Variants in RABGAP1L observed in about 807,000 individuals in gnomAD.
RABGAP1L encodes the protein RAB GTPase activating protein 1 like.
A neutral mutation model predicts 137.7 loss-of-function variants in RABGAP1L; 63 were observed. The ratio of observed to expected loss-of-function variants is 0.46; its 90% CI spans 0.37 to 0.56. The LOEUF (loss-of-function observed/expected upper bound fraction) is 0.56, where lower values mean the gene tolerates loss of function less well. Among genes scored for constraint, RABGAP1L ranks in the 20% least tolerant of loss-of-function variants. RABGAP1L has a pLI of 0.00. For synonymous variants in RABGAP1L, 431 were observed against 433.7 expected (o/e 0.99, Z 0.08); for missense variants, 1,095 against 1,244.0 (o/e 0.88, Z 1.80).
chr1:174,479,168 GC>G (rs1658816029), intron 13 of RABGAP1L, among the ~76,000 whole-genome samples: 1 of 152,202 alleles, frequency 6.6e-6, no homozygotes, highest in African/African-American at 2.4e-5. Flanking sequence ...GTTGGCATGG[GC>G]CTGAGGTCCT....
chr1:174,328,263 A>G (rs1020157755), intron 11 of RABGAP1L, among the ~76,000 whole-genome samples: 1 of 151,932 alleles, frequency 6.6e-6, no homozygotes, highest in Non-Finnish European at 1.5e-5. Context: ...TCAACTGCAT[A>G]TGAAACATTC....
chr1:174,845,064 T>C (rs895700070), intron 19 of RABGAP1L, among the ~76,000 whole-genome samples: 2,993 of 149,072 alleles, frequency 0.02, 47 homozygotes, highest in Middle Eastern at 0.077. Context: ...GTGATTTTTG[T>C]ACATTGATTT....
chr1:174,673,557 C>G (rs2148452900), intron 14 of RABGAP1L, among the ~76,000 whole-genome samples: 1 of 152,064 alleles, frequency 6.6e-6, no homozygotes, highest in Admixed American at 6.5e-5. Flanking sequence ...CTAATGAAAG[C>G]AAAAAGAAAA....
Position 174,991,441 on chromosome 1 carries a change from G to GT in RABGAP1L, c.*1441dup, listed in dbSNP as rs1431216615. 6.6e-6 allele frequency: 1 copy of GT among 152,120 alleles called. No individual in the cohort carries two copies. The highest frequency in any genetic ancestry group is 1.9e-4 in the East Asian group (1 of 5,198). 9.4% of individuals were successfully genotyped at this position (152,120 alleles called of 1,614,324 possible). A position where few individuals can be genotyped will look rare whatever the true frequency, so the allele number is the denominator to read the frequency against. On this transcript the variant is annotated 3_prime_UTR_variant, in exon 26 of 26. Transcript: ENST00000681986. Reference sequence around the variant, plus strand: ...TCTGTGCCATATTTTGCAATTAAAAGTAACACACCCTTAGAAGAATCAAAT... The same window carrying GT: ...TCTGTGCCATATTTTGCAATTAAAAGTTAACACACCCTTAGAAGAATCAAAT...
At chr1:174,662,552 C>T (rs1288867982) in intron 14 of RABGAP1L, among the ~76,000 whole-genome samples, 2 of 151,902 alleles carry the variant, frequency 1.3e-5, no homozygotes, top group Non-Finnish European at 2.9e-5. Context: ...CACCACCACA[C>T]CTGGCTAATT....
At chr1:174,292,438 C>T (rs1676723991) in intron 10 of RABGAP1L, among the ~76,000 whole-genome samples, 2 of 144,952 alleles carry the variant, frequency 1.4e-5, no homozygotes, top group Non-Finnish European at 3.0e-5. Context: ...TTCCATGAAC[C>T]TTAATATATT....
At chr1:174,596,167 A>ACCCCTTGCG (rs1669890969) in intron 13 of RABGAP1L, among the ~76,000 whole-genome samples, 1 of 140,252 alleles carries the variant, frequency 7.1e-6, no homozygotes, top group South Asian at 2.3e-4. Context: ...GAACTCCCTG[A>ACCCCTTGCG]CCCCTTGCGC....
chr1:174,567,082 T>A (rs1463572471), intron 13 of RABGAP1L, among the ~76,000 whole-genome samples: 2 of 152,122 alleles, frequency 1.3e-5, no homozygotes, highest in African/African-American at 4.8e-5. Context: ...ACACTAAATA[T>A]GTTAACAGTG....
Position 174,276,907 on chromosome 1 carries a change from C to T in RABGAP1L, c.1156+972C>T, listed in dbSNP as rs79532655. ...TTTTAAACTAAATTTAAAGTTTTAC[C>T]TGCCGAGTTATATGCCTACCCTAAG... On this transcript the variant is annotated intron_variant, in intron 9 of 25. Coordinates refer to ENST00000681986, the MANE Select transcript of RABGAP1L (RefSeq NM_001366446.1). 8.9e-3 allele frequency among the ~76,000 whole-genome samples: 1,346 copies of T among 151,920 alleles called. 24 individuals carry two copies. The highest frequency in any genetic ancestry group is 0.031 in the African/African-American group (1,299 of 41,470).
At chr1:174,531,452 T>G (rs978862952) in intron 13 of RABGAP1L, among the ~76,000 whole-genome samples, 2 of 151,886 alleles carry the variant, frequency 1.3e-5, no homozygotes, top group Non-Finnish European at 2.9e-5. Flanking sequence ...ATAGGAAAAA[T>G]ATAGGGCAGA....
intron 13 of RABGAP1L, among the ~76,000 whole-genome samples, chr1:174,560,648 A>G (rs769115676): frequency 6.6e-6 from 1 of 152,158 alleles, no homozygotes; most frequent in African/African-American, 2.4e-5. Flanking sequence ...GTAATGTACA[A>G]ATGGTCTCAT....
chr1:174,939,555 A>G (rs918450812), intron 19 of RABGAP1L, among the ~76,000 whole-genome samples: 1 of 152,048 alleles, frequency 6.6e-6, no homozygotes, highest in Non-Finnish European at 1.5e-5. Flanking sequence ...CACAAAAAAA[A>G]AAAAAAAGAA....
intron 18 of RABGAP1L, among the ~76,000 whole-genome samples, chr1:174,759,049 A>G (rs1685001136): frequency 2.6e-5 from 4 of 152,104 alleles, no homozygotes; most frequent in Admixed American, 2.0e-4. Context: ...TTCCAGGAAG[A>G]TGATGCCCTC....
chr1:174,455,190 A>G (rs1398575036), intron 13 of RABGAP1L, among the ~76,000 whole-genome samples: 2 of 152,182 alleles, frequency 1.3e-5, no homozygotes, highest in African/African-American at 4.8e-5. Context: ...CTAAAATTCT[A>G]AGGTTTAAGG....
At chr1:174,376,122 CAGAG>C (rs546217947) in intron 12 of RABGAP1L, among the ~76,000 whole-genome samples, 12 of 135,424 alleles carry the variant, frequency 8.9e-5, no homozygotes, top group Admixed American at 3.3e-4. Context: ...GAGAGAAAGA[CAGAG>C]AGAGATAGAG....
Position 174,991,621 on chromosome 1 carries a change from CATCAG to C in RABGAP1L, c.*1623_*1627del, listed in dbSNP as rs1430626635. On this transcript the variant is annotated 3_prime_UTR_variant, in exon 26 of 26. Coordinates refer to ENST00000681986, the MANE Select transcript of RABGAP1L (RefSeq NM_001366446.1). Reference sequence around the variant, plus strand: ...ACTGATGTGATTGTTATGTTATACTCATCAGATAATACTTTTCTTACATAAATCTT... The same window carrying C: ...ACTGATGTGATTGTTATGTTATACTCATAATACTTTTCTTACATAAATCTT... The C allele has an allele frequency of 2.0e-5, 3 of 152,190 alleles. No homozygotes were observed. The highest frequency in any genetic ancestry group is 4.8e-5 in the African/African-American group (2 of 41,434). 9.4% of individuals were successfully genotyped at this position (152,190 alleles called of 1,614,324 possible). A position where few individuals can be genotyped will look rare whatever the true frequency, so the allele number is the denominator to read the frequency against.
At chr1:174,948,981 A>T (rs1442903403) in intron 19 of RABGAP1L, 2 of 152,206 alleles carry the variant, frequency 1.3e-5, no homozygotes, top group Non-Finnish European at 2.9e-5. Flanking sequence ...TTTTTAAAAG[A>T]TGAAATAAAA....
At chr1:174,558,250 C>G (rs1234442339) in intron 13 of RABGAP1L, among the ~76,000 whole-genome samples, 2 of 152,190 alleles carry the variant, frequency 1.3e-5, no homozygotes, top group African/African-American at 2.4e-5. Flanking sequence ...TTCAAAAGGT[C>G]CAGCCTGGGG....
At chr1:174,462,871 C>G (rs1158619126) in intron 13 of RABGAP1L, among the ~76,000 whole-genome samples, 1 of 152,090 alleles carries the variant, frequency 6.6e-6, no homozygotes, top group East Asian at 1.9e-4. Flanking sequence ...CAAAAATTCT[C>G]AAAAGAAGAC....
Sources: allele counts gnomAD v4.1 joint callset (sites outside exome capture counted in the v4.1 genomes callset), GRCh38; gene constraint gnomAD v4.1.1; transcripts MANE v1.5; gene names NCBI Gene and HGNC (gene_info 2026-07-23, HGNC 2026-07-21).